GRM7: variants seen among roughly 807,000 people sequenced by gnomAD.
GRM7 encodes the protein metabotropic glutamate receptor 7.
A neutral mutation model predicts 84.5 loss-of-function variants in GRM7; 35 were observed. That is an observed-to-expected ratio of 0.41 (90% CI 0.32 to 0.55). GRM7 has a LOEUF of 0.55. Among genes scored for constraint, GRM7 ranks in the 20% least tolerant of loss-of-function variants. GRM7 has a pLI of 0.19. For missense variants in GRM7, 1,003 were observed against 1,194.6 expected, an observed-to-expected ratio of 0.84 and a Z score of 2.36; for synonymous variants, 487 against 455.1, an observed-to-expected ratio of 1.07 and a Z score of -0.89.
intron 1 of GRM7, among the ~76,000 whole-genome samples, chr3:6,886,309 G>T (rs1249064863): frequency 1.3e-5 from 2 of 152,086 alleles, no homozygotes; most frequent in Non-Finnish European, 2.9e-5. Flanking sequence ...GACACAGGGA[G>T]GGGAGCATCA....
At chr3:7,632,242 C>A (rs1473628909) in intron 8 of GRM7, among the ~76,000 whole-genome samples, 2 of 152,110 alleles carry the variant, frequency 1.3e-5, no homozygotes, top group African/African-American at 4.8e-5. Context: ...AAGAAAGATA[C>A]ATGACTTGAT....
At chr3:7,724,901 C>A (rs1702068854) in intron 9 of GRM7, among the ~76,000 whole-genome samples, 1 of 152,088 alleles carries the variant, frequency 6.6e-6, no homozygotes, top group Non-Finnish European at 1.5e-5. Flanking sequence ...GTAGCTGGGA[C>A]CACAGGCGCT....
At chr3:7,093,673 T>A (rs1698747814) in intron 1 of GRM7, among the ~76,000 whole-genome samples, 1 of 59,500 alleles carries the variant, frequency 1.7e-5, no homozygotes, top group Non-Finnish European at 2.7e-5. Context: ...CAAGACTCTG[T>A]CTCAAAAAAA....
intron 2 of GRM7, among the ~76,000 whole-genome samples, chr3:7,230,308 T>C (rs1180671649): frequency 6.6e-6 from 1 of 152,194 alleles, no homozygotes; most frequent in Non-Finnish European, 1.5e-5. Context: ...ATAGTAGGCA[T>C]CATGGATATG....
intron 9 of GRM7, among the ~76,000 whole-genome samples, chr3:7,689,270 A>G (rs1166418817): frequency 6.6e-6 from 1 of 152,220 alleles, no homozygotes; most frequent in Non-Finnish European, 1.5e-5. Flanking sequence ...GTTTATTGTA[A>G]TGAATGGGAT....
At chr3:7,684,135 A>G (rs1700486921) in intron 9 of GRM7, among the ~76,000 whole-genome samples, 1 of 152,244 alleles carries the variant, frequency 6.6e-6, no homozygotes, top group Non-Finnish European at 1.5e-5. Context: ...AAAAACAGAT[A>G]TGACTATGCT....
chr3:7,294,391 C>T (rs1559559720), intron 2 of GRM7, among the ~76,000 whole-genome samples: 1 of 152,138 alleles, frequency 6.6e-6, no homozygotes, highest in Non-Finnish European at 1.5e-5. Context: ...TTTCATCCCT[C>T]TATCCTCCAT....
intron 1 of GRM7, among the ~76,000 whole-genome samples, chr3:7,015,502 A>G (rs1455846921): frequency 2.0e-5 from 3 of 152,272 alleles, no homozygotes; most frequent in Non-Finnish European, 4.4e-5. Flanking sequence ...CTCTTGCTAC[A>G]TAACAAATTA....
chr3:6,979,267 C>G (rs1694109187), intron 1 of GRM7, among the ~76,000 whole-genome samples: 1 of 152,148 alleles, frequency 6.6e-6, no homozygotes, highest in Admixed American at 6.6e-5. Flanking sequence ...ATGATCATCT[C>G]AAGCCACGCT....
chr3:7,322,360 T>A (rs7639597), intron 4 of GRM7, among the ~76,000 whole-genome samples: 64,435 of 151,754 alleles, frequency 0.42, 13,765 homozygotes, highest in Middle Eastern at 0.5. Context: ...AGCTATCTGA[T>A]CCCCACCACC....
At chr3:7,351,202 A>C (rs1693124958) in intron 4 of GRM7, among the ~76,000 whole-genome samples, 1 of 151,940 alleles carries the variant, frequency 6.6e-6, no homozygotes, top group South Asian at 2.1e-4. Context: ...ATAATTGCCA[A>C]AGGATATCAG....
intron 1 of GRM7, among the ~76,000 whole-genome samples, chr3:6,901,655 A>G (rs1337813000): frequency 7.0e-6 from 1 of 143,860 alleles, no homozygotes; most frequent in Non-Finnish European, 1.5e-5. Context: ...AATAATTTGA[A>G]GAGAGAAATC....
chr3:7,258,385 C>T (rs1020717329), intron 2 of GRM7, among the ~76,000 whole-genome samples: 8 of 152,094 alleles, frequency 5.3e-5, no homozygotes, highest in South Asian at 2.1e-4. Context: ...GAAAACCCTA[C>T]GGCCTGGGGT....
At chr3:6,890,155 A>T (rs1695874931) in intron 1 of GRM7, among the ~76,000 whole-genome samples, 1 of 151,744 alleles carries the variant, frequency 6.6e-6, no homozygotes, top group Non-Finnish European at 1.5e-5. Flanking sequence ...GCGGTCTATC[A>T]ATTTTGTTGA....
chr3:7,385,354 G>A (rs1694745486), intron 4 of GRM7, among the ~76,000 whole-genome samples: 1 of 136,996 alleles, frequency 7.3e-6, no homozygotes, highest in Non-Finnish European at 1.5e-5. Context: ...AGGCTGGAGT[G>A]CAGTGGCGTG....
chr3:7,014,068 C>T lies in GRM7; in HGVS notation c.520-132384C>T, dbSNP rs989152047. ...GTGGGGGCAAGAATATGTGTACAGC[C>T]GTCAATGCTTTTGTATACTTCTATC... On this transcript the variant is annotated intron_variant, in intron 1 of 9. Transcript: ENST00000357716. 1.6e-4 allele frequency among the ~76,000 whole-genome samples: 24 copies of T among 152,172 alleles called. No homozygotes were observed. In the Middle Eastern group the frequency reaches 0.01, roughly 65 times the overall value.
chr3:7,094,774 G>GT (rs1361829667), intron 1 of GRM7, among the ~76,000 whole-genome samples: 1 of 150,678 alleles, frequency 6.6e-6, no homozygotes, highest in Admixed American at 6.6e-5. Context: ...ATAATAAAAT[G>GT]TGTTCAATAA....
chr3:7,145,437 C>G (rs778202624), intron 1 of GRM7, among the ~76,000 whole-genome samples: 2 of 152,110 alleles, frequency 1.3e-5, no homozygotes, highest in Non-Finnish European at 2.9e-5. Context: ...AGCCAGATTT[C>G]TCATCTGTGA....
chr3:7,185,540 C>A (rs772573821), intron 2 of GRM7, among the ~76,000 whole-genome samples: 1 of 152,130 alleles, frequency 6.6e-6, no homozygotes, highest in Non-Finnish European at 1.5e-5. Flanking sequence ...GGCCATTTTG[C>A]TGCCAACCAA....
Sources: allele counts gnomAD v4.1 joint callset (sites outside exome capture counted in the v4.1 genomes callset), GRCh38; gene constraint gnomAD v4.1.1; transcripts MANE v1.5; gene names NCBI Gene and HGNC (gene_info 2026-07-23, HGNC 2026-07-21).